NAALADL2: variants seen among roughly 807,000 people sequenced by gnomAD.
NAALADL2 encodes the protein inactive N-acetylated-alpha-linked acidic dipeptidase-like protein 2.
In NAALADL2, 76 loss-of-function variants were observed where a neutral mutation model predicts 87.2. That is an observed-to-expected ratio of 0.87 (90% CI 0.72 to 1.05). The LOEUF (loss-of-function observed/expected upper bound fraction) is 1.05, where lower values mean the gene tolerates loss of function less well. Among genes scored for constraint, NAALADL2 ranks in the 50% least tolerant of loss-of-function variants. The pLI is 0.00. For synonymous variants in NAALADL2, 354 were observed against 331.0 expected, an observed-to-expected ratio of 1.07 and a Z score of -0.75; for missense variants, 1,089 against 945.8, an observed-to-expected ratio of 1.15 and a Z score of -1.99.
intron 6 of NAALADL2, among the ~76,000 whole-genome samples, chr3:175,447,812 G>GCAT (rs1720936838): frequency 6.6e-6 from 1 of 152,226 alleles, no homozygotes; most frequent in African/African-American, 2.4e-5. Flanking sequence ...CTGTCTATGC[G>GCAT]CATCATCGCC....
intron 1 of NAALADL2, among the ~76,000 whole-genome samples, chr3:174,935,214 T>C (rs1190840033): frequency 2.0e-5 from 3 of 152,272 alleles, no homozygotes; most frequent in African/African-American, 7.2e-5. Context: ...ACTCAGCAAG[T>C]GTTCTTCCAA....
chr3:174,652,447 A>G (rs1049129064), intron 2 of NAALADL2, among the ~76,000 whole-genome samples: 1 of 152,200 alleles, frequency 6.6e-6, no homozygotes, highest in African/African-American at 2.4e-5. Flanking sequence ...ACAGTTCCAC[A>G]TGGCTGGGGA....
chr3:175,653,877 A>G (rs1490085188), intron 11 of NAALADL2, among the ~76,000 whole-genome samples: 2 of 152,206 alleles, frequency 1.3e-5, no homozygotes, highest in Admixed American at 1.3e-4. Flanking sequence ...TTTGGGGTCA[A>G]CAACTTTGGT....
At chr3:175,174,443 ATATC>A (rs1300053399) in intron 2 of NAALADL2, among the ~76,000 whole-genome samples, 2 of 152,122 alleles carry the variant, frequency 1.3e-5, no homozygotes, top group African/African-American at 4.8e-5. Context: ...AATTATCTGA[ATATC>A]TATTTGCGTC....
At chr3:174,801,046 G>A (rs576664287) in intron 3 of NAALADL2, among the ~76,000 whole-genome samples, 3 of 152,276 alleles carry the variant, frequency 2.0e-5, no homozygotes, top group Admixed American at 6.5e-5. Flanking sequence ...GACTTGTCTT[G>A]TCTCAGATGA....
chr3:174,789,140 G>A (rs114094949), intron 3 of NAALADL2, among the ~76,000 whole-genome samples: 2,124 of 152,200 alleles, frequency 0.014, 62 homozygotes, highest in African/African-American at 0.05. Context: ...AATCCATATT[G>A]CTTCATTTGT....
chr3:175,162,920 T>A (rs1384524043), intron 2 of NAALADL2, among the ~76,000 whole-genome samples: 1 of 152,140 alleles, frequency 6.6e-6, no homozygotes, highest in Non-Finnish European at 1.5e-5. Context: ...AATCTCTGAC[T>A]CTTTAAGCAT....
intron 4 of NAALADL2, among the ~76,000 whole-genome samples, chr3:175,312,475 G>A (rs929139867): frequency 7.9e-5 from 12 of 151,430 alleles, no homozygotes; most frequent in Non-Finnish European, 1.8e-4. Context: ...TAAATAAACA[G>A]GCATATAACT....
At chr3:174,452,838 C>A (rs1169679298) in intron 1 of NAALADL2, among the ~76,000 whole-genome samples, 6 of 152,040 alleles carry the variant, frequency 3.9e-5, no homozygotes, top group Non-Finnish European at 7.4e-5. Context: ...GAGAAAGAAC[C>A]AGTGCAAGAA....
At chr3:175,019,088 C>CCACT (rs1751226448) in intron 1 of NAALADL2, among the ~76,000 whole-genome samples, 1 of 152,004 alleles carries the variant, frequency 6.6e-6, no homozygotes, top group Admixed American at 6.6e-5. Flanking sequence ...TAATATTATA[C>CCACT]CACTCCTGCT....
At chr3:174,885,031 G>C (rs146874889) in intron 1 of NAALADL2, among the ~76,000 whole-genome samples, 13 of 152,274 alleles carry the variant, frequency 8.5e-5, no homozygotes, top group Admixed American at 3.3e-4. Flanking sequence ...ATGAGTCAGG[G>C]AGGGGATGTT....
chr3:174,930,682 C>T lies in NAALADL2; in HGVS notation c.43+71232C>T, dbSNP rs1234346330. Among the ~76,000 whole-genome samples the T allele has an allele frequency of 4.7e-5, 6 of 128,564 alleles. No homozygotes were observed. The East Asian group carries it at 9.4e-4, about 20-fold the overall frequency. 84.3% of individuals were successfully genotyped at this position (128,564 alleles called of 152,430 possible). A position where few individuals can be genotyped will look rare whatever the true frequency, so the allele number is the denominator to read the frequency against. On this transcript the variant is annotated intron_variant, in intron 1 of 13. Transcript: ENST00000454872. ...TGTGACCCAGGCTGGAGTCCAGTGGCGCGATCTCGGCTCACTGCAAGCTCT... is the reference window on the plus strand; with the variant it reads ...TGTGACCCAGGCTGGAGTCCAGTGGTGCGATCTCGGCTCACTGCAAGCTCT...
chr3:174,927,151 G>A (rs1316625350), intron 1 of NAALADL2, among the ~76,000 whole-genome samples: 1 of 152,006 alleles, frequency 6.6e-6, no homozygotes, highest in Non-Finnish European at 1.5e-5. Flanking sequence ...TCAACAAGAA[G>A]AGCTAACTAT....
At chr3:174,799,512 T>C (rs1416682354) in intron 3 of NAALADL2, among the ~76,000 whole-genome samples, 1 of 152,174 alleles carries the variant, frequency 6.6e-6, no homozygotes, top group Non-Finnish European at 1.5e-5. Flanking sequence ...TGTGACTTGC[T>C]CCTCCTTGCC....
chr3:175,568,211 G>C (rs1038040919), intron 9 of NAALADL2, among the ~76,000 whole-genome samples: 3 of 151,814 alleles, frequency 2.0e-5, no homozygotes, highest in African/African-American at 7.3e-5. Flanking sequence ...AGTAGAAAAA[G>C]TCAGTAATCA....
intron 2 of NAALADL2, among the ~76,000 whole-genome samples, chr3:175,127,054 A>G (rs865894901): frequency 3.9e-5 from 6 of 152,106 alleles, no homozygotes; most frequent in African/African-American, 1.2e-4. Context: ...AACCAGGGCC[A>G]TTGCTTTGAG....
chr3:174,975,066 G>A (rs571052959), intron 1 of NAALADL2, among the ~76,000 whole-genome samples: 1 of 152,184 alleles, frequency 6.6e-6, no homozygotes, highest in South Asian at 2.1e-4. Flanking sequence ...TTTCAGAGCT[G>A]ATGCACTAGC....
chr3:175,654,227 G>A (rs557411773), intron 11 of NAALADL2, among the ~76,000 whole-genome samples: 2 of 152,182 alleles, frequency 1.3e-5, no homozygotes, highest in South Asian at 2.1e-4. Context: ...ACTAATGAGT[G>A]TTTTTGTGGC....
intron 1 of NAALADL2, among the ~76,000 whole-genome samples, chr3:174,989,754 A>G (rs1447697858): frequency 6.6e-6 from 1 of 152,196 alleles, no homozygotes; most frequent in African/African-American, 2.4e-5. Context: ...GAGTCAGGCA[A>G]GACTACTTTG....
Sources: allele counts gnomAD v4.1 joint callset (sites outside exome capture counted in the v4.1 genomes callset), GRCh38; gene constraint gnomAD v4.1.1; transcripts MANE v1.5; gene names NCBI Gene and HGNC (gene_info 2026-07-23, HGNC 2026-07-21).